PCDH17: variants seen among roughly 807,000 people sequenced by gnomAD.
PCDH17 encodes protocadherin 17, also known as protocadherin-17.
A neutral mutation model predicts 67.7 loss-of-function variants in PCDH17; 21 were observed. The ratio of observed to expected loss-of-function variants is 0.31; its 90% CI spans 0.22 to 0.45. The LOEUF is 0.45. Ranked by LOEUF, PCDH17 falls within the 20% of genes least tolerant of loss-of-function variation. The pLI, the probability that PCDH17 is intolerant of heterozygous loss-of-function variation, is 1.00. For missense variants in PCDH17, 1,471 were observed against 1,564.8 expected, an observed-to-expected ratio of 0.94 and a Z score of 1.01; for synonymous variants, 701 against 656.7, an observed-to-expected ratio of 1.07 and a Z score of -1.03.
intron 3 of PCDH17, among the ~76,000 whole-genome samples, chr13:57,680,203 A>G (rs2138046447): frequency 6.6e-6 from 1 of 151,558 alleles, no homozygotes; most frequent in East Asian, 1.9e-4. Flanking sequence ...AGAGAAGTAA[A>G]TAAGGAATGA....
upstream of PCDH17, among the ~76,000 whole-genome samples, chr13:57,631,042 G>C (rs1954712680): frequency 6.6e-6 from 1 of 151,856 alleles, no homozygotes. Context: ...TCCCTGAGTC[G>C]CCCAGAAAAA....
intron 1 of PCDH17, among the ~76,000 whole-genome samples, chr13:57,637,546 T>A (rs1954838788): frequency 6.6e-6 from 1 of 151,944 alleles, no homozygotes; most frequent in African/African-American, 2.4e-5. Context: ...TTTATTAGTG[T>A]ATATATGTAA....
intron 1 of PCDH17, among the ~76,000 whole-genome samples, chr13:57,645,654 C>G (rs1041931599): frequency 5.3e-5 from 8 of 151,012 alleles, no homozygotes; most frequent in Non-Finnish European, 1.0e-4. Flanking sequence ...TTATGAGCAT[C>G]AAGCTCTCCC....
rs183359496 is a variant in PCDH17 at position 57,682,646 on chromosome 13, G to A, written c.2797+15813G>A. On this transcript the variant is annotated intron_variant, in intron 3 of 3. Coordinates refer to ENST00000377918, the MANE Select transcript of PCDH17 (RefSeq NM_001040429.3). ...GTTGTTGTTGTTTTTGCACCAACTT[G>A]TCTCCACCAGTAGTCTGCAGGCTTT... 6.1e-3 allele frequency among the ~76,000 whole-genome samples: 921 copies of A among 151,798 alleles called. 6 individuals are homozygous for A. Among genetic ancestry groups the A allele is most frequent in the Admixed American group, 0.011 (164 of 15,174 alleles).
intron 1 of PCDH17, among the ~76,000 whole-genome samples, chr13:57,643,383 A>G (rs1009435161): frequency 6.6e-6 from 1 of 151,726 alleles, no homozygotes; most frequent in Non-Finnish European, 1.5e-5. Context: ...TCAAACTTGA[A>G]TAAGTGCTTA....
At chr13:57,665,206 C>CGCTT (rs35769814) in intron 1 of PCDH17, among the ~76,000 whole-genome samples, 10 of 151,492 alleles carry the variant, frequency 6.6e-5, no homozygotes, top group African/African-American at 2.4e-4. Flanking sequence ...TTGACAATGA[C>CGCTT]ACATATTACT....
intron 3 of PCDH17, among the ~76,000 whole-genome samples, chr13:57,706,373 A>G (rs892157367): frequency 6.6e-6 from 1 of 152,118 alleles, no homozygotes; most frequent in Admixed American, 6.6e-5. Context: ...TCCACAGTCT[A>G]CTTTTTAATT....
intron 3 of PCDH17, among the ~76,000 whole-genome samples, chr13:57,698,872 T>C (rs901660674): frequency 1.3e-5 from 2 of 151,890 alleles, no homozygotes; most frequent in Non-Finnish European, 2.9e-5. Context: ...TAGCACCTTG[T>C]AGAAAATCAG....
At chr13:57,661,184 T>A (rs1296682804) in intron 1 of PCDH17, among the ~76,000 whole-genome samples, 1 of 152,192 alleles carries the variant, frequency 6.6e-6, no homozygotes, top group Non-Finnish European at 1.5e-5. Context: ...AGTTTTTAAA[T>A]TTCATATAAT....
chr13:57,692,554 G>T (rs73207453), intron 3 of PCDH17, among the ~76,000 whole-genome samples: 7,650 of 151,246 alleles, frequency 0.051, 258 homozygotes, highest in Middle Eastern at 0.095. Flanking sequence ...ATCTGGGAAT[G>T]TTAAAATGCT....
Position 57,632,239 on chromosome 13 carries a change from C to A in PCDH17, c.-308C>A. On this transcript the variant is annotated 5_prime_UTR_variant, in exon 1 of 4. Coordinates refer to ENST00000377918, the MANE Select transcript of PCDH17 (RefSeq NM_001040429.3). ...AAGTTTGAGCCTCCCGAAGTCCGGG[C>A]GGGAGAGACGAAACCCCTGGCTCAC... 2 of 434,154 alleles carry A rather than the reference C, an allele frequency of 4.6e-6. No homozygotes were observed. Among genetic ancestry groups the A allele is most frequent in the Non-Finnish European group, 4.1e-6 (1 of 242,250 alleles). The allele number at this position is 434,154 out of a possible 1,614,324, so 26.9% of individuals were successfully genotyped here.
intron 3 of PCDH17, among the ~76,000 whole-genome samples, chr13:57,715,165 T>C (rs1024724536): frequency 1.3e-5 from 2 of 151,818 alleles, no homozygotes; most frequent in African/African-American, 4.8e-5. Context: ...ACATCTGATA[T>C]TACTGTAAAC....
chr13:57,641,838 C>T (rs566006556), intron 1 of PCDH17, among the ~76,000 whole-genome samples: 22 of 150,610 alleles, frequency 1.5e-4, no homozygotes, highest in Non-Finnish European at 2.4e-4. Flanking sequence ...TACGGGAAAA[C>T]GAATCATAAC....
Position 57,633,742 on chromosome 13 carries a change from G to T in PCDH17, c.1196G>T (p.Gly399Val). 6.3e-7 allele frequency: 1 copy of T among 1,591,548 alleles called. No individual in the cohort carries two copies. Among genetic ancestry groups the T allele is most frequent in the Non-Finnish European group, 8.5e-7 (1 of 1,174,254 alleles). Residue 399 changes from glycine (G) to valine (V), a missense_variant, in exon 1 of 4, where the codon GGC (glycine) becomes GTC (valine). Gly to Val is a moderately radical substitution (Grantham distance 109). Transcript: ENST00000377918. This position sits in a 1 kb window ranked among gnomAD's most constrained non-coding sequence, Gnocchi z 6.2. ...GTCCTAGGCGGAGGAGGGACGGGCGGCGGCGGGGGCCTGGGCGGGCCCGGG... is the reference window on the plus strand; with the variant it reads ...GTCCTAGGCGGAGGAGGGACGGGCGTCGGCGGGGGCCTGGGCGGGCCCGGG... Reference protein sequence around the residue: ...CRVLGGGGTGGGGGLGGPGGS... With the variant: ...CRVLGGGGTGVGGGLGGPGGS...
At chr13:57,689,771 T>C (rs1230993707) in intron 3 of PCDH17, among the ~76,000 whole-genome samples, 1 of 151,956 alleles carries the variant, frequency 6.6e-6, no homozygotes, top group Non-Finnish European at 1.5e-5. Context: ...TCATTAGTCA[T>C]GTTCAACTCC....
chr13:57,697,073 C>A (rs543145317), intron 3 of PCDH17, among the ~76,000 whole-genome samples: 1 of 151,632 alleles, frequency 6.6e-6, no homozygotes, highest in South Asian at 2.1e-4. Context: ...GGTAGGGAGT[C>A]CATCCTTTAT....
intron 3 of PCDH17, among the ~76,000 whole-genome samples, chr13:57,721,852 G>A (rs182756499): frequency 6.6e-6 from 1 of 151,786 alleles, no homozygotes; most frequent in East Asian, 1.9e-4. Flanking sequence ...TATTATCTGT[G>A]TCTCTTCTTT....
In PCDH17 at chr13:57,633,040, G is replaced by T; in HGVS notation, c.494G>T (p.Gly165Val). The change falls in exon 1 of 4, where the codon GGG (glycine) becomes GTG (valine). Residue 165 changes from glycine to valine, a missense_variant. Physicochemically the swap from Gly to Val is moderately radical, Grantham distance 109. Around this residue, in one of 3 missense-constraint regions of PCDH17, gnomAD observed 1,163 missense variants for 1,230.0 expected, o/e 0.95. Coordinates refer to ENST00000377918, the MANE Select transcript of PCDH17 (RefSeq NM_001040429.3). This position sits in a 1 kb window ranked among gnomAD's most constrained non-coding sequence, Gnocchi z 6.2. ...SAHDPDAGENGLRTYLLTRDD... is the reference protein window; with the variant it reads ...SAHDPDAGENVLRTYLLTRDD... ...CATGACCCCGACGCCGGCGAGAATGGGCTCCGCACCTACCTGCTCACGCGC... is the reference window on the plus strand; with the variant it reads ...CATGACCCCGACGCCGGCGAGAATGTGCTCCGCACCTACCTGCTCACGCGC... The T allele has an allele frequency of 6.2e-7, 1 of 1,612,736 alleles. No individual in the cohort carries two copies. The highest frequency in any genetic ancestry group is 8.5e-7 in the Non-Finnish European group (1 of 1,179,890).
At chr13:57,718,736 A>C (rs1267498359) in intron 3 of PCDH17, among the ~76,000 whole-genome samples, 3 of 152,038 alleles carry the variant, frequency 2.0e-5, no homozygotes, top group Non-Finnish European at 2.9e-5. Context: ...TTTTCTGATG[A>C]GATTTCTGTT....
Sources: gnomAD v4.1 joint callset for allele counts (sites outside exome capture counted in the v4.1 genomes callset) on GRCh38, gnomAD v4.1.1 for gene constraint, gnomAD v4.1.1 regional missense constraint, Gnocchi (gnomAD v3.1) non-coding constraint, MANE v1.5 for transcripts, NCBI Gene and HGNC (gene_info 2026-07-23, HGNC 2026-07-21) for gene names.